Variants in DAB1 observed in about 807,000 individuals in gnomAD.
DAB1 encodes the protein disabled homolog 1.
In DAB1, 15 loss-of-function variants were observed where a neutral mutation model predicts 64.6. The ratio of observed to expected loss-of-function variants is 0.23; its 90% CI spans 0.16 to 0.36. The LOEUF (loss-of-function observed/expected upper bound fraction) is 0.36. Ranked by LOEUF, DAB1 falls within the 10% of genes least tolerant of loss-of-function variation. DAB1 has a pLI of 1.00. For synonymous variants in DAB1, 235 were observed against 251.9 expected, an observed-to-expected ratio of 0.93 and a Z score of 0.64; for missense variants, 596 against 706.7, an observed-to-expected ratio of 0.84 and a Z score of 1.78.
At chr1:57,215,895 G>GCCT (rs1359640344) in intron 2 of DAB1, among the ~76,000 whole-genome samples, 1 of 152,208 alleles carries the variant, frequency 6.6e-6, no homozygotes, top group Admixed American at 6.5e-5. Context: ...GGGGGACACA[G>GCCT]CCTCCTCTTT....
intron 3 of DAB1, among the ~76,000 whole-genome samples, chr1:57,144,333 A>G (rs1246747540): frequency 2.0e-5 from 3 of 152,094 alleles, no homozygotes; most frequent in Non-Finnish European, 4.4e-5. Context: ...TCAGAATCTG[A>G]GAAAAGTGTT....
intron 4 of DAB1, among the ~76,000 whole-genome samples, chr1:57,084,210 C>G (rs1652834254): frequency 6.6e-6 from 1 of 152,046 alleles, no homozygotes; most frequent in Admixed American, 6.5e-5. Context: ...GAATGGTGTC[C>G]TTATAAAAGA....
intron 4 of DAB1, among the ~76,000 whole-genome samples, chr1:58,205,337 C>T (rs1658211706): frequency 1.3e-5 from 2 of 152,290 alleles, no homozygotes; most frequent in South Asian, 2.1e-4. Flanking sequence ...CCCCAAATCA[C>T]CACCCTCCTA....
intron 3 of DAB1, among the ~76,000 whole-genome samples, chr1:58,477,691 G>T (rs1013420203): frequency 6.6e-6 from 1 of 152,118 alleles, no homozygotes; most frequent in Non-Finnish European, 1.5e-5. Context: ...CAACCATCTG[G>T]ATATCACCAG....
intron 14 of DAB1, among the ~76,000 whole-genome samples, chr1:56,998,641 T>C (rs1645726241): frequency 6.6e-6 from 1 of 152,248 alleles, no homozygotes; most frequent in Admixed American, 6.5e-5. Context: ...CCTGAAATTC[T>C]ATTTCAAATT....
chr1:58,464,123 G>A (rs1645271917), intron 3 of DAB1, among the ~76,000 whole-genome samples: 1 of 152,194 alleles, frequency 6.6e-6, no homozygotes, highest in Non-Finnish European at 1.5e-5. Flanking sequence ...AAGTGCTCTG[G>A]CCACCAATCC....
chr1:57,040,379 G>C (rs1411320359), intron 9 of DAB1, among the ~76,000 whole-genome samples: 1 of 152,106 alleles, frequency 6.6e-6, no homozygotes, highest in African/African-American at 2.4e-5. Flanking sequence ...TGGAAATTAG[G>C]AAGAAACATT....
At chr1:58,414,960 G>A (rs776479470) in intron 3 of DAB1, among the ~76,000 whole-genome samples, 4 of 152,096 alleles carry the variant, frequency 2.6e-5, no homozygotes, top group Non-Finnish European at 5.9e-5. Context: ...ACAAGGTTGC[G>A]TGGGCTGTAA....
intron 2 of DAB1, among the ~76,000 whole-genome samples, chr1:58,507,795 T>C (rs11803703): frequency 0.12 from 17,682 of 152,108 alleles, 1,228 homozygotes; most frequent in African/African-American, 0.18. Context: ...CAATAATAGG[T>C]AATCACATTC....
At chr1:58,364,305 C>CT (rs1166666798) in intron 3 of DAB1, among the ~76,000 whole-genome samples, 1 of 152,172 alleles carries the variant, frequency 6.6e-6, no homozygotes, top group Non-Finnish European at 1.5e-5. Context: ...GCAACTAGCA[C>CT]TTTAAGGTAA....
chr1:58,071,363 G>GGTGTGTGTGTGTGTGTGTGTGTGTGT (rs548977353), intron 5 of DAB1, among the ~76,000 whole-genome samples: 2 of 135,666 alleles, frequency 1.5e-5, no homozygotes, highest in African/African-American at 5.6e-5. Context: ...AAAGGAGAAT[G>GGTGTGTGTGTGTGTGTGTGTGTGTGT]GTGTGTGTGT....
At chr1:57,317,625 A>G (rs563919792) in intron 1 of DAB1, among the ~76,000 whole-genome samples, 1 of 152,244 alleles carries the variant, frequency 6.6e-6, no homozygotes, top group East Asian at 1.9e-4. Flanking sequence ...ATCTTTGAAC[A>G]CTACGTTACT....
At chr1:58,020,949 G>A (rs1646806833) in intron 5 of DAB1, among the ~76,000 whole-genome samples, 1 of 152,178 alleles carries the variant, frequency 6.6e-6, no homozygotes, top group African/African-American at 2.4e-5. Flanking sequence ...GTTTCAGTGA[G>A]CAGAGATCAC....
chr1:57,101,314 C>T (rs1654666402), intron 4 of DAB1, among the ~76,000 whole-genome samples: 1 of 152,180 alleles, frequency 6.6e-6, no homozygotes, highest in South Asian at 2.1e-4. Flanking sequence ...TATTTGAAAA[C>T]CAGTAACAAA....
At chr1:57,524,870 A>C (rs2101394772) in intron 7 of DAB1, among the ~76,000 whole-genome samples, 2 of 152,360 alleles carry the variant, frequency 1.3e-5, no homozygotes, top group African/African-American at 4.8e-5. Context: ...CAAAATAAAC[A>C]AACAAGCAAA....
chr1:58,296,175 A>C (rs1362729768), intron 4 of DAB1, among the ~76,000 whole-genome samples: 1 of 128,900 alleles, frequency 7.8e-6, no homozygotes, highest in Non-Finnish European at 1.7e-5. Context: ...AGAAAGAAAA[A>C]AGAAAGAAAG....
intron 5 of DAB1, among the ~76,000 whole-genome samples, chr1:57,986,683 G>C (rs906504204): frequency 3.3e-5 from 5 of 152,052 alleles, no homozygotes; most frequent in Non-Finnish European, 4.4e-5. Flanking sequence ...AGAACTGAAG[G>C]CTTCCTCTTT....
intron 9 of DAB1, among the ~76,000 whole-genome samples, chr1:57,026,774 A>G (rs1487558443): frequency 6.6e-6 from 1 of 152,156 alleles, no homozygotes; most frequent in East Asian, 1.9e-4. Context: ...ACACTGCATC[A>G]TCTCTCTCCC....
chr1:57,441,959 T>G (rs902641416), intron 7 of DAB1, among the ~76,000 whole-genome samples: 15 of 152,338 alleles, frequency 9.8e-5, no homozygotes, highest in African/African-American at 3.6e-4. Context: ...ATTGTTGCAC[T>G]TTTTAATAAT....
Sources: gnomAD v4.1 joint callset for allele counts (sites outside exome capture counted in the v4.1 genomes callset) on GRCh38, gnomAD v4.1.1 for gene constraint, MANE v1.5 for transcripts, NCBI Gene and HGNC (gene_info 2026-07-23, HGNC 2026-07-21) for gene names.